WDR3: variants seen among roughly 807,000 people sequenced by gnomAD.
WDR3 encodes WD repeat-containing protein 3.
A neutral mutation model predicts 123.7 loss-of-function variants in WDR3; 81 were observed. That is an observed-to-expected ratio of 0.65 (90% CI 0.55 to 0.79). The LOEUF (loss-of-function observed/expected upper bound fraction) is 0.79. Ranked by LOEUF, WDR3 falls within the 30% of genes least tolerant of loss-of-function variation. The probability of loss-of-function intolerance (pLI) is 0.00; values close to 1 mark genes in which losing one functional copy is unlikely to be tolerated. For missense variants in WDR3, 1,027 were observed against 1,123.2 expected, an observed-to-expected ratio of 0.91 and a Z score of 1.22; for synonymous variants, 390 against 388.8, an observed-to-expected ratio of 1.00 and a Z score of -0.04.
rs1165570639 is a variant in WDR3 at position 117,933,310 on chromosome 1, A to G, written c.-10A>G. 6.2e-7 allele frequency: 1 copy of G among 1,613,846 alleles called. No individual in the cohort carries two copies. Among genetic ancestry groups the G allele is most frequent in the South Asian group, 1.1e-5 (1 of 91,060 alleles). ...CAGATTGCTTCACCTGTGGTATCAG[A>G]CATCACAACATGGGGCTCACCAAGC... On this transcript the variant is annotated 5_prime_UTR_variant, in exon 2 of 27. Transcript: ENST00000349139.
intron 26 of WDR3, 122 bp from the exon 27 acceptor site, chr1:117,959,170 G>A: frequency 7.2e-7 from 1 of 1,381,034 alleles, no homozygotes; most frequent in Non-Finnish European, 9.8e-7. Context: ...AACAAGAAAA[G>A]TTCTTAATGA....
In WDR3 at chr1:117,959,465, T is replaced by C; in HGVS notation, c.*18T>C. The C allele has an allele frequency of 9.5e-7, 1 of 1,054,824 alleles. No homozygotes were observed. 65.3% of individuals were successfully genotyped at this position (1,054,824 alleles called of 1,614,324 possible). On this transcript the variant is annotated 3_prime_UTR_variant, in exon 27 of 27. Coordinates refer to ENST00000349139, the MANE Select transcript of WDR3 (RefSeq NM_006784.3). Reference sequence around the variant, plus strand: ...TGACTTAGAACTGAAATGTGGTATCTTTTTTTTTTTCAACTTTTTCCTTTA... The same window carrying C: ...TGACTTAGAACTGAAATGTGGTATCCTTTTTTTTTTCAACTTTTTCCTTTA...
Position 117,941,204 on chromosome 1 carries a change from A to G in WDR3, c.870A>G (p.Thr290=), listed in dbSNP as rs764518102. The part of the protein sequence containing the change: ...DRVVNLAVDK[T]GRILACHGTD... ...TTGTAAACCTTGCAGTCGACAAGAC[A>G]GGCAGGATTCTTGCTTGCCATGTGA... The change falls in exon 8 of 27, where the codon ACA becomes ACG. Residue 290 remains threonine, a synonymous_variant. Coordinates refer to ENST00000349139, the MANE Select transcript of WDR3 (RefSeq NM_006784.3). 3.7e-6 allele frequency: 6 copies of G among 1,614,170 alleles called. No homozygotes were observed. The highest frequency in any genetic ancestry group is 3.3e-5 in the South Asian group (3 of 91,080).
chr1:117,956,676 A>G (rs2101277737), intron 24 of WDR3, among the ~76,000 whole-genome samples: 1 of 152,226 alleles, frequency 6.6e-6, no homozygotes, highest in African/African-American at 2.4e-5. Flanking sequence ...AAAATTAGCA[A>G]AATTAAAATA....
intron 3 of WDR3, among the ~76,000 whole-genome samples, chr1:117,936,359 A>G (rs1650945367): frequency 6.6e-6 from 1 of 151,984 alleles, no homozygotes; most frequent in South Asian, 2.1e-4. Context: ...GTTGGAAACT[A>G]AATGTCTGAA....
At chr1:117,940,733 A>G (rs927054773) in intron 6 of WDR3, 94 bp from the exon 7 acceptor site, 69 of 1,156,408 alleles carry the variant, frequency 6.0e-5, no homozygotes, top group Admixed American at 1.9e-4. Flanking sequence ...GTCTCCGACA[A>G]CAACAACAAC....
chr1:117,938,961 CTT>C (rs1651047723), intron 5 of WDR3, among the ~76,000 whole-genome samples: 1 of 152,142 alleles, frequency 6.6e-6, no homozygotes, highest in Non-Finnish European at 1.5e-5. Context: ...TTTTATATAT[CTT>C]TGCATCCTCA....
rs779243122 is a variant in WDR3, at chr1:117,948,503, T to C, written c.1521T>C (p.Asp507=). 8 of 1,612,576 alleles carry C rather than the reference T, an allele frequency of 5.0e-6. No homozygotes were observed. The African/African-American group carries it at 1.1e-4, about 22-fold the overall frequency. The change falls in exon 13 of 27, where the codon GAT becomes GAC. Residue 507 remains aspartate (D), a synonymous_variant. Coordinates refer to ENST00000349139, the MANE Select transcript of WDR3 (RefSeq NM_006784.3). ...TGTGGTCCATGTCCCTCTCTCCAGA[T>C]CAGGTAACTAAACCAGATTTTAAAG... ...GALWSMSLSP[D]QRGFVTGGAD...
In WDR3 at chr1:117,957,173, C is replaced by T; in HGVS notation, c.2559C>T (p.Cys853=). The change falls in exon 25 of 27, where the codon TGC becomes TGT. Residue 853 remains cysteine (C), a synonymous_variant. Coordinates refer to ENST00000349139, the MANE Select transcript of WDR3 (RefSeq NM_006784.3). The part of the protein sequence containing the change: ...IQLGSDVELI[C]RCLFFLLRIH... ...TGGGCTCTGATGTTGAACTTATATG[C>T]CGGTGCCTCTTCTTCCTCCTTAGGT... The T allele has an allele frequency of 6.2e-7, 1 of 1,611,608 alleles. No homozygotes were observed. The highest frequency in any genetic ancestry group is 8.5e-7 in the Non-Finnish European group (1 of 1,179,082).
At chr1:117,933,156 A>G (rs907853069) in intron 1 of WDR3, 132 bp from the exon 2 acceptor site, 40 of 656,418 alleles carry the variant, frequency 6.1e-5, no homozygotes, top group Non-Finnish European at 9.1e-5. Flanking sequence ...GTGAGCCAGG[A>G]TCCCACCACT....
intron 6 of WDR3, among the ~76,000 whole-genome samples, 172 bp from the exon 7 acceptor site, chr1:117,940,655 G>A (rs1431163656): frequency 1.3e-5 from 2 of 152,134 alleles, no homozygotes; most frequent in African/African-American, 4.8e-5. Context: ...TTGAGCCCAG[G>A]AGATCAAGGC....
At chr1:117,936,181 A>G (rs1650939431) in intron 3 of WDR3, among the ~76,000 whole-genome samples, 1 of 152,082 alleles carries the variant, frequency 6.6e-6, no homozygotes, top group Non-Finnish European at 1.5e-5. Flanking sequence ...TGCTGGTTCT[A>G]TAGATTTACC....
chr1:117,953,377 A>T, intron 20 of WDR3, 99 bp from the exon 21 acceptor site: 1 of 1,192,456 alleles, frequency 8.4e-7, no homozygotes, highest in Non-Finnish European at 1.2e-6. Context: ...ATTTTCATAA[A>T]ATAATAATAG....
rs1653151573 is a variant in WDR3, at chr1:117,961,914, A to T, written c.*2467A>T. 2 of 152,266 alleles carry T rather than the reference A, an allele frequency of 1.3e-5. No individual in the cohort carries two copies. Among genetic ancestry groups the T allele is most frequent in the South Asian group, 2.1e-4 (1 of 4,822 alleles). 9.4% of individuals were successfully genotyped at this position (152,266 alleles called of 1,614,324 possible). A position where few individuals can be genotyped will look rare whatever the true frequency, so the allele number is the denominator to read the frequency against. On this transcript the variant is annotated 3_prime_UTR_variant, in exon 27 of 27. Coordinates refer to ENST00000349139, the MANE Select transcript of WDR3 (RefSeq NM_006784.3). ...AGGGAGAGGAGTTAATTCTTGAAAA[A>T]AAATTTAATTTTTTATGAGAACAGA... is the stretch of plus-strand genomic sequence containing the variant.
Position 117,934,699 on chromosome 1 carries a change from G to A in WDR3, c.381+17G>A, listed in dbSNP as rs1369275281. On this transcript the variant is annotated intron_variant, in intron 3 of 26. Coordinates refer to ENST00000349139, the MANE Select transcript of WDR3 (RefSeq NM_006784.3). ...GGGTCCAAGGTGAGCCTTTGAATCA[G>A]CCCAGGCTTTGATCTATTAAAGGAA... The A allele has an allele frequency of 6.2e-7, 1 of 1,611,824 alleles. No homozygotes were observed. Among genetic ancestry groups the A allele is most frequent in the Admixed American group, 1.7e-5 (1 of 59,988 alleles).
At chr1:117,941,607 A>G in intron 8 of WDR3, 143 bp from the exon 9 acceptor site, 1 of 1,044,282 alleles carries the variant, frequency 9.6e-7, no homozygotes, top group Non-Finnish European at 1.4e-6. Context: ...CAGATGAGAT[A>G]GCAAACCCAG....
chr1:117,952,961 T>A lies in WDR3; in HGVS notation c.2167T>A (p.Tyr723Asn), dbSNP rs1244914059. 2.5e-6 allele frequency: 4 copies of A among 1,613,124 alleles called. No individual in the cohort carries two copies. The highest frequency in any genetic ancestry group is 3.4e-6 in the Non-Finnish European group (4 of 1,179,358). Reference sequence around the variant, plus strand: ...CTCATGGCAGGAAAGAGAAGCAGAATATGAGGAGAGTGTGGCCAAAGAAGA... The same window carrying A: ...CTCATGGCAGGAAAGAGAAGCAGAAAATGAGGAGAGTGTGGCCAAAGAAGA... ...EEREMEREAE[Y>N]EESVAKEDQP... Residue 723 changes from tyrosine (Y) to asparagine (N), a missense_variant, in exon 20 of 27, where the codon TAT becomes AAT. Transcript: ENST00000349139.
chr1:117,952,220 A>C, intron 17 of WDR3, 77 bp from the exon 18 acceptor site: 2 of 1,461,888 alleles, frequency 1.4e-6, no homozygotes, highest in Non-Finnish European at 1.9e-6. Context: ...TAGCTAGTCA[A>C]AAGCTATTTA....
rs778537691 is a variant in WDR3, at chr1:117,938,514, G to T, written c.535G>T (p.Asp179Tyr). ...KDTMVKWWDL[D>Y]TQHCFKTMVG... ...TACCATGGTGAAATGGTGGGACCTT[G>T]ATACTCAGCACTGCTTTAAAACAAT... is the stretch of plus-strand genomic sequence containing the variant. Residue 179 changes from aspartate (D) to tyrosine (Y), a missense_variant, in exon 5 of 27, where the codon GAT becomes TAT. Transcript: ENST00000349139. The T allele has an allele frequency of 2.5e-6, 4 of 1,613,354 alleles. No individual in the cohort carries two copies. The South Asian group carries it at 4.4e-5, about 18-fold the overall frequency.
Sources: gnomAD v4.1 joint callset for allele counts (sites outside exome capture counted in the v4.1 genomes callset) on GRCh38, gnomAD v4.1.1 for gene constraint, MANE v1.5 for transcripts, NCBI Gene and HGNC (gene_info 2026-07-23, HGNC 2026-07-21) for gene names.